The following CPNE8 variants were observed in gnomAD, a reference collection of about 807,000 sequenced individuals.
CPNE8 encodes copine-8.
A neutral mutation model predicts 81.5 loss-of-function variants in CPNE8; 45 were observed. That is an observed-to-expected ratio of 0.55 (90% CI 0.44 to 0.71). CPNE8 has a LOEUF of 0.71. CPNE8 is among the 30% of genes least tolerant of loss of function. CPNE8 has a pLI of 0.00. For synonymous variants in CPNE8, 252 were observed against 226.3 expected, an observed-to-expected ratio of 1.11 and a Z score of -1.02; for missense variants, 594 against 672.1, an observed-to-expected ratio of 0.88 and a Z score of 1.28.
chr12:38,893,762 A>G (rs1366921941), intron 1 of CPNE8, among the ~76,000 whole-genome samples: 1 of 152,150 alleles, frequency 6.6e-6, no homozygotes, highest in African/African-American at 2.4e-5. Context: ...ACCTTCTTTT[A>G]TTTAAAAAAC....
chr12:38,812,381 G>A (rs969243681), intron 6 of CPNE8, among the ~76,000 whole-genome samples: 23 of 152,174 alleles, frequency 1.5e-4, no homozygotes, highest in Admixed American at 5.2e-4. Context: ...CAGCATGGCT[G>A]GAGAGGCCTC....
At chr12:38,659,853 T>A (rs1276314458) in intron 19 of CPNE8, among the ~76,000 whole-genome samples, 1 of 152,146 alleles carries the variant, frequency 6.6e-6, no homozygotes, top group Non-Finnish European at 1.5e-5. Context: ...ATGAGTGAAC[T>A]CCCATTCACA....
intron 13 of CPNE8, among the ~76,000 whole-genome samples, chr12:38,718,943 A>G (rs1002317353): frequency 6.6e-6 from 1 of 152,206 alleles, no homozygotes; most frequent in Non-Finnish European, 1.5e-5. Flanking sequence ...CATACAATGC[A>G]GTGTATTGCA....
intron 6 of CPNE8, among the ~76,000 whole-genome samples, chr12:38,819,766 CAAAA>C (rs71068584): frequency 7.7e-5 from 5 of 65,308 alleles, no homozygotes; most frequent in African/African-American, 3.0e-4. Flanking sequence ...GACTCCGTCT[CAAAA>C]AAAAAAAAAA....
At chr12:38,669,995 G>C (rs1211579742) in intron 19 of CPNE8, among the ~76,000 whole-genome samples, 1 of 152,116 alleles carries the variant, frequency 6.6e-6, no homozygotes, top group Non-Finnish European at 1.5e-5. Flanking sequence ...GCCTGTAAGA[G>C]AGTGCAGTTT....
chr12:38,653,689 G>T lies in CPNE8; in HGVS notation c.*193C>A. 5.6e-6 allele frequency: 3 copies of T among 538,298 alleles called. No homozygotes were observed. Among genetic ancestry groups the T allele is most frequent in the Non-Finnish European group, 8.1e-6 (3 of 371,898 alleles). 33.3% of individuals were successfully genotyped at this position (538,298 alleles called of 1,614,324 possible). A position where few individuals can be genotyped will look rare whatever the true frequency, so the allele number is the denominator to read the frequency against. On this transcript the variant is annotated 3_prime_UTR_variant, in exon 20 of 20. Transcript: ENST00000331366. ...TTCAAGCATTTAAACAATTTTTTCTGTTGCTCATGCAACAACCATATTTAC... is the reference window on the plus strand; with the variant it reads ...TTCAAGCATTTAAACAATTTTTTCTTTTGCTCATGCAACAACCATATTTAC...
chr12:38,761,677 C>A (rs912264930), intron 9 of CPNE8, among the ~76,000 whole-genome samples: 5 of 152,060 alleles, frequency 3.3e-5, no homozygotes, highest in African/African-American at 9.7e-5. Context: ...ATTAAGAAAT[C>A]TTCAGGTATA....
chr12:38,902,287 G>GAAA (rs1735347464), intron 1 of CPNE8, among the ~76,000 whole-genome samples: 1 of 131,982 alleles, frequency 7.6e-6, no homozygotes, highest in African/African-American at 3.0e-5. Flanking sequence ...AAGAAAGAAG[G>GAAA]AAGGAAGGAA....
At chr12:38,749,689 T>C (rs1941311391) in intron 10 of CPNE8, among the ~76,000 whole-genome samples, 1 of 152,064 alleles carries the variant, frequency 6.6e-6, no homozygotes, top group African/African-American at 2.4e-5. Context: ...ACTTTGAACT[T>C]GAGAGAGATG....
In CPNE8 at chr12:38,653,912, T is replaced by TG. The variant is rs868432265; in HGVS notation, c.1664dup (p.Pro556ThrfsTer14). On this transcript the variant is annotated frameshift_variant, in exon 20 of 20. Coordinates refer to ENST00000331366, the MANE Select transcript of CPNE8 (RefSeq NM_153634.3). LOFTEE classifies it high-confidence loss of function. The stretch of plus-strand genomic sequence containing the variant: ...TTTGAGTCTGTAACACATGTGTAGG[T>TG]GGGGTGTATGGGGGAGGCGCAGGTG... The TG allele has an allele frequency of 1.9e-6, 3 of 1,613,008 alleles. No homozygotes were observed. The highest frequency in any genetic ancestry group is 1.3e-5 in the African/African-American group (1 of 74,856).
chr12:38,831,463 C>T (rs1322298337), intron 5 of CPNE8, among the ~76,000 whole-genome samples: 1 of 152,138 alleles, frequency 6.6e-6, no homozygotes, highest in Non-Finnish European at 1.5e-5. Context: ...AGTGTTAAGG[C>T]CCCAAACAGT....
At chr12:38,754,656 C>T (rs1015588913) in intron 10 of CPNE8, among the ~76,000 whole-genome samples, 8 of 151,510 alleles carry the variant, frequency 5.3e-5, no homozygotes, top group African/African-American at 1.7e-4. Flanking sequence ...ATCAGTCTTT[C>T]TTGAGAGCAA....
chr12:38,849,160 C>T, intron 3 of CPNE8, among the ~76,000 whole-genome samples: 1 of 152,150 alleles, frequency 6.6e-6, no homozygotes, highest in Admixed American at 6.6e-5. Context: ...TATGTCACAA[C>T]AATCAGTTGT....
intron 6 of CPNE8, among the ~76,000 whole-genome samples, chr12:38,806,362 T>A (rs1005370309): frequency 1.3e-5 from 2 of 149,302 alleles, no homozygotes; most frequent in African/African-American, 4.9e-5. Flanking sequence ...AATAAAATAC[T>A]GGCAAACCGA....
At chr12:38,731,551 T>C (rs1232165190) in intron 10 of CPNE8, among the ~76,000 whole-genome samples, 1 of 151,932 alleles carries the variant, frequency 6.6e-6, no homozygotes, top group African/African-American at 2.4e-5. Context: ...TTATTCTCCC[T>C]AAACTATCTT....
chr12:38,905,329 G>A, intron 1 of CPNE8, 108 bp downstream of exon 1: 1 of 1,283,904 alleles, frequency 7.8e-7, no homozygotes, highest in East Asian at 2.6e-5. Context: ...CCCACTCATG[G>A]CGCAACTTCT....
chr12:38,716,905 G>T (rs1470234018), intron 13 of CPNE8, among the ~76,000 whole-genome samples: 1 of 151,838 alleles, frequency 6.6e-6, no homozygotes, highest in Admixed American at 6.6e-5. Context: ...CAAAGGACTG[G>T]TGTCCAGAAT....
chr12:38,724,810 TTTAATC>T (rs1347428704), intron 12 of CPNE8, 30 bp downstream of exon 12: 1 of 1,319,042 alleles, frequency 7.6e-7, no homozygotes. Context: ...ATTCATTTAT[TTTAATC>T]TTTAATAAAT....
intron 16 of CPNE8, among the ~76,000 whole-genome samples, chr12:38,677,911 A>C (rs1188192438): frequency 6.6e-6 from 1 of 152,064 alleles, no homozygotes; most frequent in Non-Finnish European, 1.5e-5. Flanking sequence ...AAATTACCTA[A>C]GCTATGTGAA....
Sources: gnomAD v4.1 joint callset for allele counts (sites outside exome capture counted in the v4.1 genomes callset) on GRCh38, gnomAD v4.1.1 for gene constraint, MANE v1.5 for transcripts, NCBI Gene and HGNC (gene_info 2026-07-23, HGNC 2026-07-21) for gene names.